PPFIA2: variants seen among roughly 807,000 people sequenced by gnomAD.
PPFIA2 encodes the protein PPFI scaffold protein A2, also known as liprin-alpha-2.
PPFIA2 carries 46 observed loss-of-function variants against 175.5 expected under a neutral mutation model. That is an observed-to-expected ratio of 0.26 (90% CI 0.21 to 0.34). PPFIA2 has a LOEUF of 0.34. PPFIA2 is among the 10% of genes least tolerant of loss of function. PPFIA2 has a pLI of 1.00. For missense variants in PPFIA2, 1,179 were observed against 1,506.1 expected, an observed-to-expected ratio of 0.78 and a Z score of 3.60; for synonymous variants, 568 against 511.4, an observed-to-expected ratio of 1.11 and a Z score of -1.49.
chr12:81,353,570 T>C (rs2060383300), intron 16 of PPFIA2, among the ~76,000 whole-genome samples: 1 of 152,196 alleles, frequency 6.6e-6, no homozygotes, highest in Admixed American at 6.6e-5. Context: ...ATAAAGATGA[T>C]AAACTTCTAT....
chr12:81,591,497 G>A (rs1279775250), intron 4 of PPFIA2, among the ~76,000 whole-genome samples: 1 of 152,182 alleles, frequency 6.6e-6, no homozygotes. Flanking sequence ...AGACCTTTGT[G>A]GCAGCCCCTC....
At chr12:81,682,900 C>A (rs2073884546) in intron 3 of PPFIA2, among the ~76,000 whole-genome samples, 1 of 152,016 alleles carries the variant, frequency 6.6e-6, no homozygotes, top group South Asian at 2.1e-4. Context: ...CAGCTGACTA[C>A]TCCATCTTTA....
chr12:81,442,426 C>T (rs1185982676), intron 6 of PPFIA2, among the ~76,000 whole-genome samples: 2 of 151,948 alleles, frequency 1.3e-5, no homozygotes, highest in East Asian at 3.9e-4. Context: ...TAATTCATTC[C>T]TTGACACTAA....
intron 4 of PPFIA2, among the ~76,000 whole-genome samples, chr12:81,584,403 T>C (rs750617554): frequency 2.6e-5 from 4 of 151,866 alleles, no homozygotes; most frequent in Non-Finnish European, 4.4e-5. Context: ...ACTACACCTA[T>C]GGCTTCTTAT....
At chr12:81,388,501 G>C (rs1223384745) in intron 8 of PPFIA2, among the ~76,000 whole-genome samples, 1 of 152,034 alleles carries the variant, frequency 6.6e-6, no homozygotes, top group Non-Finnish European at 1.5e-5. Flanking sequence ...GAGTTGGAAT[G>C]GGGGAGGTGG....
At chr12:81,588,748 C>T (rs749252250) in intron 4 of PPFIA2, among the ~76,000 whole-genome samples, 23 of 152,030 alleles carry the variant, frequency 1.5e-4, no homozygotes, top group African/African-American at 5.3e-4. Context: ...TATTAGCTCA[C>T]ATCCTTGCCA....
Position 81,666,057 on chromosome 12 carries a change from T to C in PPFIA2, c.303+10734A>G, listed in dbSNP as rs532852912. Among the ~76,000 whole-genome samples, 608 of 152,050 alleles carry C rather than the reference T, an allele frequency of 4.0e-3. 2 individuals are homozygous for C. The highest frequency in any genetic ancestry group is 6.6e-3 in the Admixed American group (100 of 15,266). On this transcript the variant is annotated intron_variant, in intron 4 of 32. Coordinates refer to ENST00000549396, the MANE Select transcript of PPFIA2 (RefSeq NM_003625.5). ...AGAGAAATGCAAATCAAAACCACAA[T>C]GAGATACCATCTCACACCAGTTAGA...
intron 4 of PPFIA2, among the ~76,000 whole-genome samples, chr12:81,500,324 C>G (rs956403761): frequency 1.3e-5 from 2 of 152,110 alleles, no homozygotes; most frequent in African/African-American, 2.4e-5. Flanking sequence ...TACACTACCC[C>G]CTCCCAACTT....
Position 81,369,156 on chromosome 12 carries a change from T to G in PPFIA2, c.1305A>C (p.Arg435Ser). 2.5e-6 allele frequency: 4 copies of G among 1,609,022 alleles called. No individual in the cohort carries two copies. Among genetic ancestry groups the G allele is most frequent in the Non-Finnish European group, 3.4e-6 (4 of 1,176,864 alleles). The part of the protein sequence containing the change: ...ERHGNIEERM[R>S]HLEGQLEEKN... Reference sequence around the variant, plus strand: ...TCTCTTCAAGTTGACCCTCTAAATGTCTCATACGTTCTTCAATATTTCCAT... The same window carrying G: ...TCTCTTCAAGTTGACCCTCTAAATGGCTCATACGTTCTTCAATATTTCCAT... Residue 435 changes from arginine to serine, a missense_variant, in exon 12 of 33, where the codon AGA becomes AGC. Arg to Ser is a moderately radical substitution (Grantham distance 110, BLOSUM62 -1). Transcript: ENST00000549396.
At chr12:81,727,835 A>G (rs1166100986) in intron 3 of PPFIA2, among the ~76,000 whole-genome samples, 1 of 151,366 alleles carries the variant, frequency 6.6e-6, no homozygotes, top group African/African-American at 2.4e-5. Context: ...GTATGTCTGA[A>G]TCTCCAGTTT....
chr12:81,629,631 C>G (rs1162126466), intron 4 of PPFIA2, among the ~76,000 whole-genome samples: 2 of 152,146 alleles, frequency 1.3e-5, no homozygotes. Context: ...TTAGGAGTAA[C>G]CTGGATCACA....
At chr12:81,456,179 T>C (rs1181344183) in intron 5 of PPFIA2, among the ~76,000 whole-genome samples, 1 of 152,184 alleles carries the variant, frequency 6.6e-6, no homozygotes, top group Non-Finnish European at 1.5e-5. Context: ...TGTCATGGTA[T>C]AAATAAATTT....
chr12:81,734,222 T>A (rs1179983754), intron 3 of PPFIA2, among the ~76,000 whole-genome samples: 1 of 151,816 alleles, frequency 6.6e-6, no homozygotes, highest in African/African-American at 2.4e-5. Flanking sequence ...TTCAAACACC[T>A]AACAATTGTT....
intron 4 of PPFIA2, among the ~76,000 whole-genome samples, chr12:81,577,768 A>C (rs984899441): frequency 9.9e-5 from 15 of 151,974 alleles, no homozygotes; most frequent in Middle Eastern, 3.4e-3. Context: ...GGTTACTGTG[A>C]ACTTGTTTAG....
rs549705421 is a variant in PPFIA2, at chr12:81,661,748, T to A, written c.303+15043A>T. On this transcript the variant is annotated intron_variant, in intron 4 of 32. Transcript: ENST00000549396. ...CACCCCAAATAAACAGTTTATACAT[T>A]CTTCTCAGCACCACACCGCACTTGT... is the stretch of plus-strand genomic sequence containing the variant. Among the ~76,000 whole-genome samples, 39 of 152,264 alleles carry A rather than the reference T, an allele frequency of 2.6e-4. 3 individuals are homozygous for A. Among genetic ancestry groups the A allele is most frequent in the African/African-American group, 9.4e-4 (39 of 41,548 alleles).
intron 4 of PPFIA2, among the ~76,000 whole-genome samples, chr12:81,522,013 T>C (rs1279629620): frequency 6.6e-6 from 1 of 152,174 alleles, no homozygotes; most frequent in Non-Finnish European, 1.5e-5. Flanking sequence ...CCTATTGGAA[T>C]AAAGATGAAT....
chr12:81,624,783 T>C (rs2062498024), intron 4 of PPFIA2, among the ~76,000 whole-genome samples: 1 of 150,932 alleles, frequency 6.6e-6, no homozygotes. Flanking sequence ...GCTTTGAGTA[T>C]GCAAAGCCAT....
At chr12:81,689,028 C>T (rs905109557) in intron 3 of PPFIA2, among the ~76,000 whole-genome samples, 2 of 151,090 alleles carry the variant, frequency 1.3e-5, no homozygotes, top group African/African-American at 4.9e-5. Flanking sequence ...GGATTTTCAG[C>T]TGAATATTAA....
In PPFIA2 at chr12:81,453,161, A is replaced by G. The variant is rs1361635597; in HGVS notation, c.405+4604T>C. ...CCCTCCCCCCTCCCCCCACCCCACC[A>G]CAGTCCCCAGAGTGTGATATTCCCC... On this transcript the variant is annotated intron_variant, in intron 5 of 32. Coordinates refer to ENST00000549396, the MANE Select transcript of PPFIA2 (RefSeq NM_003625.5). Among the ~76,000 whole-genome samples the G allele has an allele frequency of 3.5e-5, 3 of 85,792 alleles. No individual in the cohort carries two copies. The Admixed American group carries it at 5.4e-4, about 15-fold the overall frequency. 56.3% of individuals were successfully genotyped at this position (85,792 alleles called of 152,430 possible).
Sources: allele counts gnomAD v4.1 joint callset (sites outside exome capture counted in the v4.1 genomes callset), GRCh38; gene constraint gnomAD v4.1.1; transcripts MANE v1.5; gene names NCBI Gene and HGNC (gene_info 2026-07-23, HGNC 2026-07-21).